RPS12: variants seen among roughly 807,000 people sequenced by gnomAD.
The protein encoded by RPS12 is small ribosomal subunit protein eS12.
RPS12 carries 1 observed loss-of-function variant against 17.2 expected under a neutral mutation model. The observed-to-expected ratio is 0.06, with a 90% confidence interval of 0.02 to 0.28. The LOEUF is 0.28. RPS12 is among the 10% of genes least tolerant of loss of function. The pLI is 1.00. For synonymous variants in RPS12, 67 were observed against 54.0 expected (o/e 1.24, Z -1.06); for missense variants, 146 against 162.1 (o/e 0.90, Z 0.54).
chr6:132,814,634 G>T, intron 1 of RPS12, 21 bp downstream of exon 1: 2 of 1,068,290 alleles, frequency 1.9e-6, no homozygotes, highest in Non-Finnish European at 2.9e-6. Flanking sequence ...CGAGGCGGCA[G>T]GGGGGTGTAT....
intron 3 of RPS12, 119 bp from the exon 4 acceptor site, chr6:132,816,342 C>A (rs1782061856): frequency 1.4e-6 from 1 of 701,768 alleles, no homozygotes. Flanking sequence ...TTTATGTGTT[C>A]AGTGGATTGG....
At chr6:132,817,226 C>G in intron 5 of RPS12, 165 bp downstream of exon 5, 1 of 768,208 alleles carries the variant, frequency 1.3e-6, no homozygotes, top group South Asian at 1.4e-5. Context: ...TACAAGCCAG[C>G]CAATGAATCT....
intron 3 of RPS12, 151 bp from the exon 4 acceptor site, chr6:132,816,310 G>C: frequency 1.6e-6 from 1 of 624,810 alleles, no homozygotes; most frequent in Non-Finnish European, 2.9e-6. Flanking sequence ...AGGTTCTTCA[G>C]ACTCAAGCAA....
intron 5 of RPS12, 131 bp downstream of exon 5, chr6:132,817,192 AG>A (rs1782082151): frequency 1.4e-5 from 11 of 793,256 alleles, no homozygotes; most frequent in Non-Finnish European, 2.2e-5. Context: ...TCTGCATTTC[AG>A]GAAAAAAATA....
rs1265301004 is a variant in RPS12, at chr6:132,816,511, A to T, written c.182A>T (p.Tyr61Phe). ...GCATCCAACTGTGATGAGCCTATGT[A>T]TGTCAAGTTGGTGGAGGCCCTTTGT... ...VLASNCDEPM[Y>F]VKLVEALCAE... The change falls in exon 4 of 6, where the codon TAT (tyrosine) becomes TTT (phenylalanine). Residue 61 changes from tyrosine to phenylalanine, a missense_variant. Around this residue, in one of 2 missense-constraint regions of RPS12, gnomAD observed 117 missense variants for 104.6 expected, o/e 1.12. Transcript: ENST00000230050. 2.5e-6 allele frequency: 4 copies of T among 1,606,698 alleles called. No individual in the cohort carries two copies. The East Asian group carries it at 8.9e-5, about 36-fold the overall frequency.
At chr6:132,817,161 T>C in intron 5 of RPS12, 100 bp downstream of exon 5, 1 of 851,546 alleles carries the variant, frequency 1.2e-6, no homozygotes, top group South Asian at 1.4e-5. Context: ...AAAAAACTGA[T>C]TCAACAGGTT....
chr6:132,817,313 T>C (rs1179410447), intron 5 of RPS12, 167 bp from the exon 6 acceptor site: 6 of 778,630 alleles, frequency 7.7e-6, no homozygotes, highest in South Asian at 1.4e-5. Context: ...CTTAAGGACA[T>C]TGAAGTCGTT....
At position 132,814,632 on chromosome 6, in the gene RPS12, C is replaced by G. The variant is rs966694599; in HGVS notation, c.-38+19C>G. The G allele has an allele frequency of 2.8e-6, 3 of 1,061,798 alleles. No individual in the cohort carries two copies. Among genetic ancestry groups the G allele is most frequent in the African/African-American group, 1.6e-5 (1 of 63,634 alleles). 65.8% of individuals were successfully genotyped at this position (1,061,798 alleles called of 1,614,324 possible). ...GCTTGGGGTAAGTTGAGCGAGGCGG[C>G]AGGGGGGTGTATTGGTTATAATTTG... is the stretch of plus-strand genomic sequence containing the variant. On this transcript the variant is annotated intron_variant, in intron 1 of 5. Transcript: ENST00000230050.
chr6:132,816,610 GTATA>G, intron 4 of RPS12, 47 bp downstream of exon 4: 1 of 1,219,860 alleles, frequency 8.2e-7, no homozygotes, highest in South Asian at 1.2e-5. Context: ...AGTGATGCTT[GTATA>G]TGGGGGTAAA....
intron 3 of RPS12, chr6:132,815,933 G>A (rs1050893673): frequency 6.6e-6 from 3 of 453,590 alleles, no homozygotes; most frequent in African/African-American, 4.0e-5. Flanking sequence ...TACCTACCAG[G>A]TTCAAGCGAT....
chr6:132,816,812 A>G (rs996009281), intron 4 of RPS12, 148 bp from the exon 5 acceptor site: 9 of 773,428 alleles, frequency 1.2e-5, no homozygotes, highest in African/African-American at 6.8e-5. Flanking sequence ...GCTGTACATG[A>G]TGACAACTGG....
rs188597053 is a variant in RPS12, at chr6:132,814,748, C to T, written c.-21C>T. ...GTTTTTTAGTGCGTTCAAGATTCAA[C>T]TTCACCCGTAACCCACCGCCATGGC... On this transcript the variant is annotated 5_prime_UTR_variant, in exon 2 of 6. Coordinates refer to ENST00000230050, the MANE Select transcript of RPS12 (RefSeq NM_001016.4). 128 of 1,613,222 alleles carry T rather than the reference C, an allele frequency of 7.9e-5. No individual in the cohort carries two copies. In the Admixed American group the frequency reaches 8.8e-4, roughly 11 times the overall value.
At chr6:132,816,360 T>C (rs1270869970) in intron 3 of RPS12, 101 bp from the exon 4 acceptor site, 16 of 828,106 alleles carry the variant, frequency 1.9e-5, no homozygotes, top group Admixed American at 1.7e-4. Context: ...TGGCTGCTTA[T>C]GTTTCGCAAG....
chr6:132,817,099 G>T, intron 5 of RPS12, 38 bp downstream of exon 5: 1 of 1,235,684 alleles, frequency 8.1e-7, no homozygotes, highest in Non-Finnish European at 1.2e-6. Context: ...AGGTTATGCT[G>T]GGTAATCATA....
rs376728133 is a variant in RPS12 at position 132,814,741 on chromosome 6, G to C, written c.-28G>C. On this transcript the variant is annotated 5_prime_UTR_variant, in exon 2 of 6. Coordinates refer to ENST00000230050, the MANE Select transcript of RPS12 (RefSeq NM_001016.4). ...TGCTTTTGTTTTTTAGTGCGTTCAA[G>C]ATTCAACTTCACCCGTAACCCACCG... is the stretch of plus-strand genomic sequence containing the variant. The C allele has an allele frequency of 6.2e-7, 1 of 1,612,792 alleles. No individual in the cohort carries two copies. Among genetic ancestry groups the C allele is most frequent in the Non-Finnish European group, 8.5e-7 (1 of 1,178,906 alleles).
chr6:132,816,213 A>G (rs1582887903), intron 3 of RPS12: 5 of 564,702 alleles, frequency 8.9e-6, no homozygotes, highest in Admixed American at 3.1e-5. Flanking sequence ...AGTTTTAAAA[A>G]TGACTTACAC....
rs562249470 is a variant in RPS12, at chr6:132,814,598, G to C, written c.-53G>C. 1.0e-4 allele frequency: 83 copies of C among 827,194 alleles called. 1 individual carries two copies. Among genetic ancestry groups the C allele is most frequent in the South Asian group, 9.9e-4 (71 of 71,456 alleles). 51.2% of individuals were successfully genotyped at this position (827,194 alleles called of 1,614,324 possible). A position where few individuals can be genotyped will look rare whatever the true frequency, so the allele number is the denominator to read the frequency against. On this transcript the variant is annotated 5_prime_UTR_variant, in exon 1 of 6. Coordinates refer to ENST00000230050, the MANE Select transcript of RPS12 (RefSeq NM_001016.4). ...TTCCCTGCCGCCGCCGAGTCGCGCG[G>C]AGGCGGAGGCTTGGGGTAAGTTGAG...
chr6:132,816,650 T>C, intron 4 of RPS12, 87 bp downstream of exon 4: 3 of 930,818 alleles, frequency 3.2e-6, no homozygotes, highest in Non-Finnish European at 5.3e-6. Context: ...AGCTGTTCAT[T>C]TTGTGCAGGT....
chr6:132,816,693 A>G (rs1782069755), intron 4 of RPS12, 130 bp downstream of exon 4: 2 of 785,764 alleles, frequency 2.5e-6, no homozygotes, highest in South Asian at 1.4e-5. Flanking sequence ...ACTGTCGGCC[A>G]TTTTAAAGAT....
Sources: gnomAD v4.1 joint callset for allele counts on GRCh38, gnomAD v4.1.1 for gene constraint, gnomAD v4.1.1 regional missense constraint, MANE v1.5 for transcripts, NCBI Gene and HGNC (gene_info 2026-07-23, HGNC 2026-07-21) for gene names.